Variants in DGLUCY observed in about 807,000 individuals in gnomAD.
The protein encoded by DGLUCY is D-glutamate cyclase.
DGLUCY carries 58 observed loss-of-function variants against 58.5 expected under a neutral mutation model. The observed-to-expected ratio is 0.99, with a 90% CI of 0.80 to 1.23. DGLUCY has a LOEUF of 1.23. DGLUCY is among the 50% of genes most tolerant of loss of function. The pLI, the probability that DGLUCY is intolerant of heterozygous loss-of-function variation, is 0.00. For missense variants in DGLUCY, 779 were observed against 784.7 expected (o/e 0.99, Z 0.09); for synonymous variants, 325 against 314.1 (o/e 1.03, Z -0.37).
intron 1 of DGLUCY, among the ~76,000 whole-genome samples, chr14:91,137,966 A>C (rs2046437522): frequency 6.6e-6 from 1 of 152,130 alleles, no homozygotes; most frequent in South Asian, 2.1e-4. Flanking sequence ...ACTTTGGGAT[A>C]TCATTTTCTG....
At chr14:91,210,895 A>G (rs907164828) in intron 12 of DGLUCY, among the ~76,000 whole-genome samples, 1 of 152,230 alleles carries the variant, frequency 6.6e-6, no homozygotes, top group African/African-American at 2.4e-5. Flanking sequence ...AATATAATGT[A>G]AACAGATTGG....
intron 1 of DGLUCY, among the ~76,000 whole-genome samples, chr14:91,117,826 A>T (rs139688809): frequency 0.017 from 2,520 of 152,288 alleles, 39 homozygotes; most frequent in Non-Finnish European, 0.027. Flanking sequence ...CAATCAATAC[A>T]TGTGAAGTAC....
intron 13 of DGLUCY, among the ~76,000 whole-genome samples, chr14:91,224,435 C>T (rs1323929388): frequency 6.6e-6 from 1 of 152,126 alleles, no homozygotes; most frequent in African/African-American, 2.4e-5. Context: ...CAGTAACTAC[C>T]AAAAGAAGCA....
chr14:91,192,115 C>G (rs1220738008), intron 9 of DGLUCY, among the ~76,000 whole-genome samples: 9 of 152,148 alleles, frequency 5.9e-5, no homozygotes, highest in Non-Finnish European at 1.3e-4. Flanking sequence ...GGAACCAAAC[C>G]AAGTGCCCAT....
In DGLUCY at chr14:91,160,398, G is replaced by A. The variant is rs1182438413; in HGVS notation, c.103+1G>A. ...AGAAATACATCCAGCATGGCTGGAGGTAAGTGGTGCCAGATAGTTAAAAAA... is the reference window on the plus strand; with the variant it reads ...AGAAATACATCCAGCATGGCTGGAGATAAGTGGTGCCAGATAGTTAAAAAA... On this transcript the variant is annotated splice_donor_variant, in intron 3 of 13. Coordinates refer to ENST00000256324, the MANE Select transcript of DGLUCY (RefSeq NM_001102368.3). LOFTEE classifies it high-confidence loss of function. 12 of 1,364,250 alleles carry A rather than the reference G, an allele frequency of 8.8e-6. No homozygotes were observed. Among genetic ancestry groups the A allele is most frequent in the Non-Finnish European group, 1.1e-5 (11 of 964,578 alleles). 84.5% of individuals were successfully genotyped at this position (1,364,250 alleles called of 1,614,324 possible).
chr14:91,135,881 A>G (rs1013305057), intron 1 of DGLUCY, among the ~76,000 whole-genome samples: 2 of 149,940 alleles, frequency 1.3e-5, no homozygotes, highest in Admixed American at 1.3e-4. Flanking sequence ...TAGTAAACCA[A>G]TCTTGGATTC....
rs912880066 is a variant in DGLUCY, at chr14:91,184,585, G to C, written c.934+3196G>C. Reference sequence around the variant, plus strand: ...AAAGAAAGAAAGAAAGTTGGGGGGGGGGAGGGAGGGAGGGAGGGAGTCTGA... The same window carrying C: ...AAAGAAAGAAAGAAAGTTGGGGGGGCGGAGGGAGGGAGGGAGGGAGTCTGA... On this transcript the variant is annotated intron_variant, in intron 8 of 13. Coordinates refer to ENST00000256324, the MANE Select transcript of DGLUCY (RefSeq NM_001102368.3). Among the ~76,000 whole-genome samples the C allele has an allele frequency of 7.2e-5, 8 of 111,614 alleles. No homozygotes were observed. In the South Asian group the frequency reaches 2.3e-3, roughly 32 times the overall value. 73.2% of individuals were successfully genotyped at this position (111,614 alleles called of 152,430 possible).
chr14:91,110,013 G>A (rs973412298), upstream of DGLUCY, among the ~76,000 whole-genome samples: 4 of 152,180 alleles, frequency 2.6e-5, no homozygotes, highest in African/African-American at 9.7e-5. Context: ...CGATTACTTG[G>A]CATACAATAG....
chr14:91,175,772 C>G, intron 6 of DGLUCY, 162 bp from the exon 7 acceptor site: 1 of 717,346 alleles, frequency 1.4e-6, no homozygotes, highest in Non-Finnish European at 2.2e-6. Context: ...CCTGAGTTGT[C>G]AAAGCCTTAA....
At chr14:91,062,273 G>T (rs1238300928) in intron 1 of DGLUCY, among the ~76,000 whole-genome samples, 1 of 151,676 alleles carries the variant, frequency 6.6e-6, no homozygotes, top group African/African-American at 2.4e-5. Flanking sequence ...CAGGTCAGGC[G>T]CAGTGGTTCA....
rs1311616533 is a variant in DGLUCY at position 91,108,524 on chromosome 14, T to TGAGAGA, written c.-82+464_-82+465insAGAGAG. Among the ~76,000 whole-genome samples the TGAGAGA allele has an allele frequency of 4.2e-4, 17 of 40,584 alleles. No homozygotes were observed. The East Asian group carries it at 8.1e-3, about 19-fold the overall frequency. 26.6% of individuals were successfully genotyped at this position (40,584 alleles called of 152,430 possible). ...GTGTGTGTGTGTGTGTGTGTGTGTG[T>TGAGAGA]GTGAGAGAGAGAGAGAGAGAGAGAG... On this transcript the variant is annotated intron_variant, in intron 1 of 4. Coordinates refer to the DGLUCY transcript ENST00000518871.
intron 8 of DGLUCY, among the ~76,000 whole-genome samples, chr14:91,181,652 T>TC (rs2049175906): frequency 2.1e-5 from 2 of 96,198 alleles, no homozygotes; most frequent in Non-Finnish European, 5.4e-5. Context: ...TTTCTTTCTT[T>TC]TGTTTTCTTT....
At chr14:91,154,505 A>C (rs1224718317) in intron 1 of DGLUCY, among the ~76,000 whole-genome samples, 1 of 152,174 alleles carries the variant, frequency 6.6e-6, no homozygotes, top group Non-Finnish European at 1.5e-5. Flanking sequence ...ATTCAATAGA[A>C]CTGTTTTAGG....
intron 1 of DGLUCY, among the ~76,000 whole-genome samples, chr14:91,089,087 A>G (rs2044267783): frequency 6.6e-6 from 1 of 152,240 alleles, no homozygotes; most frequent in South Asian, 2.1e-4. Flanking sequence ...TGCCCCTTCT[A>G]AAAACTGCCT....
chr14:91,170,077 C>T lies in DGLUCY; in HGVS notation c.332C>T (p.Ser111Leu), dbSNP rs201623410. The part of the protein sequence containing the change: ...TGSLASLEQY[S>L]EQLKDMVAFF... Reference sequence around the variant, plus strand: ...AGCCTGGCTTCGCTGGAGCAGTACTCGGAGCAGCTGAAGGACATGGTGGCC... The same window carrying T: ...AGCCTGGCTTCGCTGGAGCAGTACTTGGAGCAGCTGAAGGACATGGTGGCC... Residue 111 changes from serine to leucine, a missense_variant, in exon 5 of 14, where the codon TCG becomes TTG. By Grantham distance (145) the Ser-to-Leu change is moderately radical. Coordinates refer to ENST00000256324, the MANE Select transcript of DGLUCY (RefSeq NM_001102368.3). 4.3e-5 allele frequency: 70 copies of T among 1,612,500 alleles called. No individual in the cohort carries two copies. The highest frequency in any genetic ancestry group is 5.5e-5 in the Non-Finnish European group (65 of 1,180,024).
intron 13 of DGLUCY, among the ~76,000 whole-genome samples, chr14:91,216,645 CAAA>C (rs71120125): frequency 2.9e-5 from 4 of 137,516 alleles, no homozygotes; most frequent in South Asian, 2.4e-4. Flanking sequence ...GACCCTGTCT[CAAA>C]AAAAAAAAAA....
chr14:91,089,276 C>A (rs1418979081), intron 1 of DGLUCY, among the ~76,000 whole-genome samples: 1 of 152,110 alleles, frequency 6.6e-6, no homozygotes, highest in African/African-American at 2.4e-5. Context: ...GAGCCGGTGG[C>A]AGCTCTGTCA....
At chr14:91,137,860 G>A (rs563409688) in intron 1 of DGLUCY, among the ~76,000 whole-genome samples, 15 of 152,206 alleles carry the variant, frequency 9.9e-5, no homozygotes, top group African/African-American at 3.6e-4. Context: ...AGAGAGGGGA[G>A]CAGGAGAGAT....
rs1555393407 is a variant in DGLUCY at position 91,122,604 on chromosome 14, T to TTTTTG, written c.-82+8325_-82+8326insGTTTT. Among the ~76,000 whole-genome samples, 18 of 128,926 alleles carry TTTTTG rather than the reference T, an allele frequency of 1.4e-4. 1 individual carries two copies. The highest frequency in any genetic ancestry group is 1.8e-4 in the African/African-American group (6 of 32,638). 84.6% of individuals were successfully genotyped at this position (128,926 alleles called of 152,430 possible). A position where few individuals can be genotyped will look rare whatever the true frequency, so the allele number is the denominator to read the frequency against. On this transcript the variant is annotated intron_variant, in intron 1 of 13. Coordinates refer to ENST00000256324, the MANE Select transcript of DGLUCY (RefSeq NM_001102368.3). Reference sequence around the variant, plus strand: ...TTTAACTATAATAAAAGAAAAAAGTTTTTTTTTTTTTTTTTTGAGATAGAG... The same window carrying TTTTTG: ...TTTAACTATAATAAAAGAAAAAAGTTTTTTGTTTTTTTTTTTTTTTTGAGATAGAG...
Sources: gnomAD v4.1 joint callset for allele counts (sites outside exome capture counted in the v4.1 genomes callset) on GRCh38, gnomAD v4.1.1 for gene constraint, MANE v1.5 for transcripts, NCBI Gene and HGNC (gene_info 2026-07-23, HGNC 2026-07-21) for gene names.